DMD: variants seen among roughly 807,000 people sequenced by gnomAD.
DMD encodes the protein dystrophin, also known as mutant dystrophin.
A neutral mutation model predicts 330.1 loss-of-function variants in DMD; 63 were observed. The ratio of observed to expected loss-of-function variants is 0.19; its 90% confidence interval spans 0.16 to 0.24. The LOEUF is 0.24. Among genes scored for constraint, DMD ranks in the 10% least tolerant of loss-of-function variants. DMD has a pLI of 1.00. For synonymous variants in DMD, 1,223 were observed against 959.8 expected (o/e 1.27, Z -5.07); for missense variants, 3,344 against 2,684.1 (o/e 1.25, Z -5.43).
intron 7 of DMD, among the ~76,000 whole-genome samples, chrX:32,724,119 T>C (rs960027859): frequency 1.8e-5 from 2 of 112,341 alleles, no homozygotes; most frequent in African/African-American, 6.5e-5. Context: ...TACATTTAAA[T>C]GGTGCAATTC....
chrX:32,689,871 A>C (rs890545521), intron 9 of DMD, among the ~76,000 whole-genome samples: 6 of 110,859 alleles, frequency 5.4e-5, no homozygotes, highest in African/African-American at 2.0e-4. Flanking sequence ...AAAAACCATT[A>C]AACTCTCAAC....
chrX:32,975,346 CTT>C (rs35180404), intron 2 of DMD, among the ~76,000 whole-genome samples: 2,016 of 64,648 alleles, frequency 0.031, 34 homozygotes, highest in African/African-American at 0.12. Context: ...TTAAAAAATG[CTT>C]TTTTTTTTTT....
chrX:31,595,879 C>A (rs1024162988), intron 55 of DMD, among the ~76,000 whole-genome samples: 5 of 110,175 alleles, frequency 4.5e-5, no homozygotes, highest in African/African-American at 9.9e-5. Context: ...GCATTCCTTT[C>A]TTTTATTTAG....
chrX:32,449,497 A>G lies in DMD; in HGVS notation c.3604-859T>C, dbSNP rs191464731. 2.1e-3 allele frequency among the ~76,000 whole-genome samples: 235 copies of G among 109,641 alleles called. 2 individuals carry two copies. Among genetic ancestry groups the G allele is most frequent in the African/African-American group, 7.6e-3 (229 of 30,229 alleles). On this transcript the variant is annotated intron_variant, in intron 26 of 78. Transcript: ENST00000357033. ...GACAAGATACGATACCCATATAGCT[A>G]TCCCTACACACTAATGACAAGCAAT...
chrX:33,067,374 C>G (rs1156904111), intron 1 of DMD, among the ~76,000 whole-genome samples: 2 of 112,057 alleles, frequency 1.8e-5, no homozygotes, highest in African/African-American at 6.5e-5. Flanking sequence ...AGAAGATAAC[C>G]TTGTTACAAA....
intron 55 of DMD, among the ~76,000 whole-genome samples, chrX:31,510,505 T>C (rs1446133928): frequency 9.9e-6 from 1 of 100,797 alleles, no homozygotes; most frequent in Non-Finnish European, 2.0e-5. Context: ...TTCTGACTGC[T>C]CTTTTTTTTT....
chrX:31,624,676 G>A (rs2078743449), intron 55 of DMD, among the ~76,000 whole-genome samples: 1 of 111,290 alleles, frequency 9.0e-6, no homozygotes, highest in Admixed American at 9.5e-5. Context: ...CAGAGCTGTT[G>A]CTTTGGCTAG....
At chrX:32,472,436 A>C in intron 21 of DMD, 127 bp from the exon 22 acceptor site, 3 of 639,123 alleles carry the variant, frequency 4.7e-6, no homozygotes, top group Non-Finnish European at 4.8e-6. Flanking sequence ...GAAAATCTGA[A>C]AAATATATTT....
intron 51 of DMD, among the ~76,000 whole-genome samples, chrX:31,757,209 T>C (rs1162420354): frequency 8.9e-6 from 1 of 111,788 alleles, no homozygotes; most frequent in African/African-American, 3.3e-5. Flanking sequence ...TAGTACATAC[T>C]GGTTTGAAGG....
intron 1 of DMD, among the ~76,000 whole-genome samples, chrX:33,240,032 T>A (rs2052562030): frequency 1.8e-5 from 2 of 111,610 alleles, no homozygotes; most frequent in Non-Finnish European, 3.8e-5. Flanking sequence ...GATACCTTAT[T>A]ATGTATATGT....
At chrX:32,454,599 G>T in intron 26 of DMD, 63 bp downstream of exon 26, 1 of 949,107 alleles carries the variant, frequency 1.1e-6, no homozygotes, top group Non-Finnish European at 1.5e-6. Flanking sequence ...AAGCATTGTT[G>T]CATTTCTTTC....
intron 26 of DMD, among the ~76,000 whole-genome samples, chrX:32,453,502 G>A (rs1447334427): frequency 9.0e-6 from 1 of 110,765 alleles, no homozygotes; most frequent in African/African-American, 3.3e-5. Context: ...TTTCATGTGA[G>A]TTACTTTCTG....
chrX:33,331,741 G>C (rs1230314977), intron 1 of DMD, among the ~76,000 whole-genome samples: 1 of 111,137 alleles, frequency 9.0e-6, no homozygotes, highest in Non-Finnish European at 1.9e-5. Flanking sequence ...ATAAACGTTT[G>C]CTCAAAAGAA....
At chrX:31,708,804 T>C (rs1239317044) in intron 52 of DMD, among the ~76,000 whole-genome samples, 1 of 112,244 alleles carries the variant, frequency 8.9e-6, no homozygotes. Context: ...AAGTGTTTAG[T>C]GACCAAATTT....
At chrX:31,499,288 T>C in intron 56 of DMD, among the ~76,000 whole-genome samples, 1 of 110,950 alleles carries the variant, frequency 9.0e-6, no homozygotes, top group South Asian at 3.9e-4. Flanking sequence ...AAAATATCCT[T>C]GTGGCAGAGA....
intron 43 of DMD, among the ~76,000 whole-genome samples, chrX:32,235,072 G>A (rs1249108174): frequency 9.0e-6 from 1 of 111,165 alleles, no homozygotes; most frequent in Non-Finnish European, 1.9e-5. Context: ...TGATTCAAGT[G>A]CATTACAGTT....
At chrX:32,679,408 T>C (rs926148495) in intron 9 of DMD, among the ~76,000 whole-genome samples, 5 of 111,576 alleles carry the variant, frequency 4.5e-5, no homozygotes, top group African/African-American at 1.3e-4. Context: ...GCAATTCAGA[T>C]TTAGTAAAGA....
At chrX:32,640,411 C>T (rs2059375443) in intron 11 of DMD, among the ~76,000 whole-genome samples, 1 of 109,816 alleles carries the variant, frequency 9.1e-6, no homozygotes. Flanking sequence ...AGCCCTTATT[C>T]CTTAGGCAAA....
chrX:32,720,451 T>A lies in DMD; in HGVS notation c.650-21158A>T, dbSNP rs768582249. 3.6e-5 allele frequency among the ~76,000 whole-genome samples: 4 copies of A among 112,260 alleles called. 1 individual carries two copies. The East Asian group carries it at 1.1e-3, about 32-fold the overall frequency. ...ATCCAAATGAGCAAATTACATTCAT[T>A]TGGAAATGTTATTCGATTCACATTG... On this transcript the variant is annotated intron_variant, in intron 7 of 78. Transcript: ENST00000357033.
Sources: gnomAD v4.1 joint callset for allele counts (sites outside exome capture counted in the v4.1 genomes callset) on GRCh38, gnomAD v4.1.1 for gene constraint, MANE v1.5 for transcripts, NCBI Gene and HGNC (gene_info 2026-07-23, HGNC 2026-07-21) for gene names.